ZNF286A: variants seen among roughly 807,000 people sequenced by gnomAD.
ZNF286A encodes zinc finger protein ZNF286.
A neutral mutation model predicts 49.3 loss-of-function variants in ZNF286A; 34 were observed. That is an observed-to-expected ratio of 0.69 (90% CI 0.52 to 0.92). The LOEUF is 0.92. ZNF286A is among the 40% of genes least tolerant of loss of function. ZNF286A has a pLI of 0.00. For missense variants in ZNF286A, 462 were observed against 600.2 expected, an observed-to-expected ratio of 0.77 and a Z score of 2.41; for synonymous variants, 155 against 200.4, an observed-to-expected ratio of 0.77 and a Z score of 1.91.
At chr17:15,710,093 C>CT (rs1317123982) in intron 5 of ZNF286A, among the ~76,000 whole-genome samples, 1 of 152,116 alleles carries the variant, frequency 6.6e-6, no homozygotes, top group Non-Finnish European at 1.5e-5. Flanking sequence ...TGTTGATACC[C>CT]TTTGCCTGTT....
intron 3 of ZNF286A, chr17:15,704,629 T>C (rs551751110): frequency 3.7e-6 from 6 of 1,613,970 alleles, no homozygotes; most frequent in African/African-American, 1.3e-5. Context: ...GATCTCGCCA[T>C]TGGCGCCCAC....
At chr17:15,704,352 C>T (rs553088088) in intron 3 of ZNF286A, 3 of 1,610,816 alleles carry the variant, frequency 1.9e-6, no homozygotes, top group South Asian at 2.2e-5. Context: ...CCCCTGGGGC[C>T]CCAGGGTCGG....
intron 3 of ZNF286A, among the ~76,000 whole-genome samples, chr17:15,704,053 T>TATC (rs1216469420): frequency 9.4e-6 from 1 of 106,174 alleles, no homozygotes; most frequent in Non-Finnish European, 2.1e-5. Context: ...ATAATTCTCT[T>TATC]ATTATTATTA....
intron 5 of ZNF286A, among the ~76,000 whole-genome samples, chr17:15,713,825 T>C: frequency 6.6e-6 from 1 of 151,980 alleles, no homozygotes; most frequent in Non-Finnish European, 1.5e-5. Flanking sequence ...TTGTAATTTC[T>C]GCCTGAAAGC....
At chr17:15,714,752 G>C (rs182729281) in intron 5 of ZNF286A, among the ~76,000 whole-genome samples, 1 of 152,110 alleles carries the variant, frequency 6.6e-6, no homozygotes, top group African/African-American at 2.4e-5. Flanking sequence ...CCAGTGACTA[G>C]TTCAGAGCCT....
chr17:15,699,851 G>T, intron 1 of ZNF286A, 74 bp downstream of exon 1: 2 of 702,396 alleles, frequency 2.8e-6, no homozygotes. Context: ...TCTGTGCCGA[G>T]TCGGGGCTAG....
intron 5 of ZNF286A, 128 bp from the exon 6 acceptor site, chr17:15,715,931 T>G: frequency 6.6e-7 from 1 of 1,524,200 alleles, no homozygotes; most frequent in South Asian, 1.3e-5. Context: ...GCAAATCATC[T>G]GAAAGAGTCA....
rs142019755 is a variant in ZNF286A at position 15,716,028 on chromosome 17, G to A, written c.335-31G>A. 4.0e-4 allele frequency: 641 copies of A among 1,613,700 alleles called. 2 individuals carry two copies. The highest frequency in any genetic ancestry group is 3.9e-3 in the African/African-American group (290 of 75,022). On this transcript the variant is annotated intron_variant, in intron 5 of 5. Coordinates refer to ENST00000583566, the MANE Select transcript of ZNF286A (RefSeq NM_001130842.2). ...TGCCTTTTTGTTGAGCACAGAAAAC[G>A]AAGGAAATTTGCATTTCCAATGTCT...
rs1354735318 is a variant in ZNF286A at position 15,706,493 on chromosome 17, T to C, written c.233T>C (p.Val78Ala). ...DVMLENYRNL[V>A]SLWLPVSKPE... ...ATGCTGGAGAACTATAGGAACCTAG[T>C]CTCACTTTGTAAGAATGGATTGTGA... Residue 78 changes from valine (V) to alanine (A), a missense_variant, in exon 4 of 6, where the codon GTC (valine) becomes GCC (alanine). Coordinates refer to ENST00000583566, the MANE Select transcript of ZNF286A (RefSeq NM_001130842.2). 4.4e-6 allele frequency: 7 copies of C among 1,601,800 alleles called. No individual in the cohort carries two copies. The highest frequency in any genetic ancestry group is 5.1e-6 in the Non-Finnish European group (6 of 1,174,588).
Position 15,704,391 on chromosome 17 carries a change from G to A in ZNF286A, c.127-1996G>A. The A allele has an allele frequency of 6.2e-6, 10 of 1,607,246 alleles. No individual in the cohort carries two copies. The South Asian group carries it at 9.9e-5, about 16-fold the overall frequency. ...AGGAAGCTGCAGTGCCACTGGCCAGGGCCCGCCCGGCTTCGGCCCTGCCGC... is the reference window on the plus strand; with the variant it reads ...AGGAAGCTGCAGTGCCACTGGCCAGAGCCCGCCCGGCTTCGGCCCTGCCGC... On this transcript the variant is annotated intron_variant, in intron 3 of 5. Coordinates refer to ENST00000583566, the MANE Select transcript of ZNF286A (RefSeq NM_001130842.2).
Position 15,708,253 on chromosome 17 carries a change from C to T in ZNF286A, c.334+6C>T. The T allele has an allele frequency of 6.4e-7, 1 of 1,571,194 alleles. No individual in the cohort carries two copies. The stretch of plus-strand genomic sequence containing the variant: ...CCCCAAAAGCAGCTATTCAGGTGAG[C>T]CAGATAGATGGGAGTCTTCATAAAT... On this transcript the variant is annotated splice_donor_region_variant and intron_variant, in intron 5 of 5. Coordinates refer to ENST00000583566, the MANE Select transcript of ZNF286A (RefSeq NM_001130842.2).
rs969855501 is a variant in ZNF286A, at chr17:15,699,767, C to T, written c.-206C>T. The T allele has an allele frequency of 2.8e-5, 20 of 702,888 alleles. No individual in the cohort carries two copies. In the African/African-American group the frequency reaches 3.0e-4, roughly 10 times the overall value. The allele number at this position is 702,888 out of a possible 1,614,324, so 43.5% of individuals were successfully genotyped here. The stretch of plus-strand genomic sequence containing the variant: ...AGAAGTTCGTCCCCTTTGTGAGGCC[C>T]GGGATGGGAGGTGAGTTGCTTGTGG... On this transcript the variant is annotated 5_prime_UTR_variant, in exon 1 of 6. Transcript: ENST00000583566.
At chr17:15,700,963 G>A (rs1458764987) in intron 2 of ZNF286A, among the ~76,000 whole-genome samples, 189 bp from the exon 3 acceptor site, 3 of 141,174 alleles carry the variant, frequency 2.1e-5, no homozygotes, top group South Asian at 2.4e-4. Flanking sequence ...AACTGAATTC[G>A]AGCCCAGAGT....
intron 5 of ZNF286A, among the ~76,000 whole-genome samples, chr17:15,714,612 C>T (rs1336240813): frequency 2.0e-5 from 3 of 151,970 alleles, no homozygotes; most frequent in Admixed American, 6.6e-5. Flanking sequence ...ATAAGGAAAC[C>T]GAAGTAAAGA....
intron 3 of ZNF286A, chr17:15,704,170 A>G: frequency 1.7e-6 from 2 of 1,185,390 alleles, no homozygotes; most frequent in Non-Finnish European, 1.2e-6. Context: ...TAACTTAGAG[A>G]CAGAGTTGGA....
chr17:15,717,142 A>G lies in ZNF286A; in HGVS notation c.1418A>G (p.Lys473Arg). The G allele has an allele frequency of 6.2e-7, 1 of 1,613,540 alleles. No individual in the cohort carries two copies. Among genetic ancestry groups the G allele is most frequent in the Non-Finnish European group, 8.5e-7 (1 of 1,179,828 alleles). The part of the protein sequence containing the change: ...KKPYKCSECG[K>R]AFIHSSALIQ... The stretch of plus-strand genomic sequence containing the variant: ...CCGTACAAATGTAGCGAGTGTGGAA[A>G]AGCCTTCATTCATTCATCAGCTCTC... Residue 473 changes from lysine (K) to arginine (R), a missense_variant, in exon 6 of 6, where the codon AAA becomes AGA. Around this residue, in one of 3 missense-constraint regions of ZNF286A, gnomAD observed 201 missense variants for 311.3 expected, o/e 0.65. Transcript: ENST00000583566.
At chr17:15,703,531 T>C (rs901600647) in intron 3 of ZNF286A, among the ~76,000 whole-genome samples, 4 of 151,850 alleles carry the variant, frequency 2.6e-5, no homozygotes, top group African/African-American at 9.7e-5. Context: ...AATGTAAAGG[T>C]AATGCTACTT....
chr17:15,711,996 T>C (rs1263119016), intron 5 of ZNF286A, among the ~76,000 whole-genome samples: 4 of 150,762 alleles, frequency 2.7e-5, no homozygotes, highest in South Asian at 2.1e-4. Flanking sequence ...CTCGGCCTCC[T>C]GAGTAGCTGG....
At chr17:15,701,291 T>G in intron 3 of ZNF286A, 51 bp downstream of exon 3, 2 of 1,556,456 alleles carry the variant, frequency 1.3e-6, no homozygotes, top group Non-Finnish European at 1.8e-6. Context: ...AGAGTACAGA[T>G]GCACTCCCTT....
Sources: allele counts gnomAD v4.1 joint callset (sites outside exome capture counted in the v4.1 genomes callset), GRCh38; gene constraint gnomAD v4.1.1; regional missense constraint gnomAD v4.1.1; transcripts MANE v1.5; gene names NCBI Gene and HGNC (gene_info 2026-07-23, HGNC 2026-07-21).